CEP57L1: variants seen among roughly 807,000 people sequenced by gnomAD.
CEP57L1 encodes the protein centrosomal protein 57 like 1.
CEP57L1 carries 37 observed loss-of-function variants against 61.0 expected under a neutral mutation model. The observed-to-expected ratio is 0.61, with a 90% CI of 0.47 to 0.80. CEP57L1 has a LOEUF of 0.80. Ranked by LOEUF, CEP57L1 falls within the 30% of genes least tolerant of loss-of-function variation. The pLI, the probability that CEP57L1 is intolerant of heterozygous loss-of-function variation, is 0.00. For synonymous variants in CEP57L1, 137 were observed against 162.3 expected, an observed-to-expected ratio of 0.84 and a Z score of 1.19; for missense variants, 422 against 524.7, an observed-to-expected ratio of 0.80 and a Z score of 1.91.
At chr6:109,112,670 A>C (rs1426739978) in intron 1 of CEP57L1, among the ~76,000 whole-genome samples, 1 of 152,132 alleles carries the variant, frequency 6.6e-6, no homozygotes, top group Non-Finnish European at 1.5e-5. Context: ...TTCCCCCTAC[A>C]CATTCCTTTA....
chr6:109,149,035 A>G (rs1278889431), intron 3 of CEP57L1, among the ~76,000 whole-genome samples: 30 of 152,036 alleles, frequency 2.0e-4, no homozygotes, highest in Non-Finnish European at 3.2e-4. Context: ...TGTCAGATGA[A>G]TAGGTTGCAA....
At chr6:109,101,348 T>C (rs1782373576) in intron 1 of CEP57L1, among the ~76,000 whole-genome samples, 1 of 152,234 alleles carries the variant, frequency 6.6e-6, no homozygotes, top group African/African-American at 2.4e-5. Flanking sequence ...AGTTATTTTA[T>C]GTCTTTATAT....
rs1774363399 is a variant in CEP57L1 at position 109,170,704 on chromosome 6, T to C, written c.*7734T>C. ...GCTCTCGAGAAGTCTGTGGAACATT[T>C]ATGGTTTTATAACTTACAATTTCTA... On this transcript the variant is annotated 3_prime_UTR_variant, in exon 11 of 11. Coordinates refer to ENST00000517392, the MANE Select transcript of CEP57L1 (RefSeq NM_001271852.3). Among the ~76,000 whole-genome samples, 2 of 152,238 alleles carry C rather than the reference T, an allele frequency of 1.3e-5. No individual in the cohort carries two copies. The highest frequency in any genetic ancestry group is 1.3e-4 in the Admixed American group (2 of 15,286).
chr6:109,123,903 T>C (rs1432752915), intron 1 of CEP57L1, among the ~76,000 whole-genome samples: 1 of 152,012 alleles, frequency 6.6e-6, no homozygotes, highest in Non-Finnish European at 1.5e-5. Context: ...ACCCCGTCTT[T>C]ATTAAAAAAA....
intron 1 of CEP57L1, among the ~76,000 whole-genome samples, chr6:109,143,936 C>T (rs1242380236): frequency 6.6e-6 from 1 of 152,062 alleles, no homozygotes; most frequent in African/African-American, 2.4e-5. Flanking sequence ...TAGGGCCTTA[C>T]CTCCACTTTA....
chr6:109,139,023 G>T (rs532578087), intron 1 of CEP57L1, among the ~76,000 whole-genome samples: 1 of 152,144 alleles, frequency 6.6e-6, no homozygotes, highest in South Asian at 2.1e-4. Context: ...GCTTCTCTCT[G>T]GCATATCTAA....
chr6:109,117,937 G>A (rs1444960216), intron 1 of CEP57L1, among the ~76,000 whole-genome samples: 2 of 152,192 alleles, frequency 1.3e-5, no homozygotes, highest in Non-Finnish European at 2.9e-5. Flanking sequence ...ATAGTGAGAT[G>A]TAAGTTAAAT....
Position 109,164,608 on chromosome 6 carries a change from T to C in CEP57L1, c.*1638T>C, listed in dbSNP as rs1022678248. 3.9e-5 allele frequency among the ~76,000 whole-genome samples: 6 copies of C among 152,130 alleles called. No homozygotes were observed. Among genetic ancestry groups the C allele is most frequent in the Non-Finnish European group, 7.4e-5 (5 of 68,022 alleles). ...CTTTCCTCCTTGAGGATATGAGTTT[T>C]ATAGCTTAAGCTTAGCTTTTTGCTA... On this transcript the variant is annotated 3_prime_UTR_variant, in exon 11 of 11. Coordinates refer to ENST00000517392, the MANE Select transcript of CEP57L1 (RefSeq NM_001271852.3).
At chr6:109,148,671 C>A (rs1311079204) in intron 3 of CEP57L1, among the ~76,000 whole-genome samples, 1 of 152,078 alleles carries the variant, frequency 6.6e-6, no homozygotes, top group Non-Finnish European at 1.5e-5. Context: ...ATTTCTAGTT[C>A]TAGATCCCTG....
intron 1 of CEP57L1, among the ~76,000 whole-genome samples, chr6:109,133,255 T>G (rs1774404603): frequency 6.6e-6 from 1 of 152,080 alleles, no homozygotes; most frequent in Non-Finnish European, 1.5e-5. Flanking sequence ...AGGGGATGGT[T>G]TGGGGATGAA....
chr6:109,159,695 C>T (rs574536565), intron 9 of CEP57L1, among the ~76,000 whole-genome samples: 5 of 152,102 alleles, frequency 3.3e-5, no homozygotes, highest in Non-Finnish European at 5.9e-5. Context: ...TTCTTAAAGG[C>T]GTTACTTAGC....
At chr6:109,152,011 A>G (rs1772663260) in intron 4 of CEP57L1, among the ~76,000 whole-genome samples, 1 of 151,326 alleles carries the variant, frequency 6.6e-6, no homozygotes, top group Non-Finnish European at 1.5e-5. Context: ...ATCTGTCAGT[A>G]TTTTTCATTA....
chr6:109,126,195 A>G (rs1266709793), intron 1 of CEP57L1, among the ~76,000 whole-genome samples: 1 of 152,200 alleles, frequency 6.6e-6, no homozygotes, highest in Non-Finnish European at 1.5e-5. Context: ...AAGAATAAAC[A>G]TAATTGCCCT....
intron 1 of CEP57L1, among the ~76,000 whole-genome samples, chr6:109,134,708 A>G (rs576472997): frequency 1.1e-3 from 166 of 152,372 alleles, no homozygotes; most frequent in African/African-American, 3.6e-3. Flanking sequence ...AAGCAACTTC[A>G]GCAAAGTCTC....
At chr6:109,112,219 C>T (rs1366107029) in intron 1 of CEP57L1, among the ~76,000 whole-genome samples, 1 of 152,094 alleles carries the variant, frequency 6.6e-6, no homozygotes, top group Non-Finnish European at 1.5e-5. Flanking sequence ...TTGGTCTATT[C>T]CGGGATTCGA....
rs1773042385 is a variant in CEP57L1 at position 109,122,115 on chromosome 6, T to C, written c.-3-23104T>C. 3.3e-5 allele frequency among the ~76,000 whole-genome samples: 5 copies of C among 152,354 alleles called. No homozygotes were observed. In the South Asian group the frequency reaches 1.0e-3, roughly 32 times the overall value. ...TTCAGAAAGGATTTGCATTTCGCTC[T>C]GCCAGTTATTTGCACTACTACCAAT... On this transcript the variant is annotated intron_variant, in intron 1 of 10. Coordinates refer to ENST00000517392, the MANE Select transcript of CEP57L1 (RefSeq NM_001271852.3).
chr6:109,167,873 A>G lies in CEP57L1; in HGVS notation c.*4903A>G, dbSNP rs1774208497. On this transcript the variant is annotated 3_prime_UTR_variant, in exon 11 of 11. Transcript: ENST00000517392. ...ATGTTTGACTTGTTCATCAGTGAGT[A>G]TTTATTGATCTCTAATTATTGATCT... is the stretch of plus-strand genomic sequence containing the variant. 6.6e-6 allele frequency among the ~76,000 whole-genome samples: 1 copy of G among 152,212 alleles called. No individual in the cohort carries two copies. The highest frequency in any genetic ancestry group is 1.5e-5 in the Non-Finnish European group (1 of 68,046).
At chr6:109,116,496 A>G (rs1772323344) in intron 1 of CEP57L1, among the ~76,000 whole-genome samples, 1 of 152,090 alleles carries the variant, frequency 6.6e-6, no homozygotes, top group South Asian at 2.1e-4. Flanking sequence ...TTTTAGAGAT[A>G]CTTTTCTTAA....
Position 109,160,670 on chromosome 6 carries a change from A to G in CEP57L1, c.1115A>G (p.Glu372Gly), listed in dbSNP as rs1409085696. 6.8e-6 allele frequency: 11 copies of G among 1,609,038 alleles called. No homozygotes were observed. Among genetic ancestry groups the G allele is most frequent in the Non-Finnish European group, 9.3e-6 (11 of 1,178,274 alleles). ...CTAGAGTGTTTACTCAAGAAAATGG[A>G]AATTAAAGGAGAACAAATCTCCAAA... is the stretch of plus-strand genomic sequence containing the variant. ...CELECLLKKM[E>G]IKGEQISKLK... Residue 372 changes from glutamate to glycine, a missense_variant, in exon 10 of 11, where the codon GAA becomes GGA. Coordinates refer to ENST00000517392, the MANE Select transcript of CEP57L1 (RefSeq NM_001271852.3).
Sources: gnomAD v4.1 joint callset for allele counts (sites outside exome capture counted in the v4.1 genomes callset) on GRCh38, gnomAD v4.1.1 for gene constraint, MANE v1.5 for transcripts, NCBI Gene and HGNC (gene_info 2026-07-23, HGNC 2026-07-21) for gene names.